Variants in CTNNA3 observed in about 807,000 individuals in gnomAD.
CTNNA3 encodes catenin alpha-3.
CTNNA3 carries 76 observed loss-of-function variants against 95.7 expected under a neutral mutation model. The observed-to-expected ratio is 0.79, with a 90% confidence interval of 0.66 to 0.96. The LOEUF (loss-of-function observed/expected upper bound fraction) is 0.96. Among genes scored for constraint, CTNNA3 ranks in the 40% least tolerant of loss-of-function variants. The probability of loss-of-function intolerance (pLI) is 0.00; values close to 1 mark genes in which losing one functional copy is unlikely to be tolerated. For synonymous variants in CTNNA3, 431 were observed against 374.4 expected (o/e 1.15, Z -1.74); for missense variants, 1,191 against 1,089.8 (o/e 1.09, Z -1.31).
At chr10:65,960,278 T>G (rs764793634) in intron 17 of CTNNA3, among the ~76,000 whole-genome samples, 3 of 151,982 alleles carry the variant, frequency 2.0e-5, no homozygotes, top group Non-Finnish European at 2.9e-5. Flanking sequence ...GGCTCACACC[T>G]GTAATCCCAG....
intron 10 of CTNNA3, among the ~76,000 whole-genome samples, chr10:66,545,880 T>A (rs1842019952): frequency 6.6e-6 from 1 of 151,630 alleles, no homozygotes; most frequent in East Asian, 1.9e-4. Context: ...TGTCTTTGTA[T>A]ATTTTGTATA....
chr10:66,550,765 A>G (rs1188890987), intron 10 of CTNNA3, among the ~76,000 whole-genome samples: 1 of 150,578 alleles, frequency 6.6e-6, no homozygotes, highest in African/African-American at 2.4e-5. Flanking sequence ...ATTTCTGTCT[A>G]CTGGCTGACT....
chr10:67,290,700 C>A (rs578233738), intron 5 of CTNNA3, among the ~76,000 whole-genome samples: 134 of 152,224 alleles, frequency 8.8e-4, no homozygotes, highest in Admixed American at 1.9e-3. Flanking sequence ...AGATGTCTGA[C>A]TCCAGAGCTT....
chr10:66,447,539 A>C (rs1053655383), intron 11 of CTNNA3, among the ~76,000 whole-genome samples: 19 of 151,836 alleles, frequency 1.3e-4, no homozygotes, highest in African/African-American at 4.6e-4. Context: ...CAACCCTCTG[A>C]TCTTTGACAA....
chr10:66,597,552 A>ATATT lies in CTNNA3; in HGVS notation c.1374+24136_1374+24139dup, dbSNP rs1554822934. On this transcript the variant is annotated intron_variant, in intron 10 of 17. Transcript: ENST00000433211. ...TATATATATATATATATATATATATATATTTATTAAAAATTTTAAAAATAA... is the reference window on the plus strand; with the variant it reads ...TATATATATATATATATATATATATATATTTATTTATTAAAAATTTTAAAAATAA... Among the ~76,000 whole-genome samples the ATATT allele has an allele frequency of 1.5e-3, 201 of 130,436 alleles. 1 individual carries two copies. Among genetic ancestry groups the ATATT allele is most frequent in the Non-Finnish European group, 2.1e-3 (128 of 62,078 alleles). The allele number at this position is 130,436 out of a possible 152,430, so 85.6% of individuals were successfully genotyped here.
At chr10:66,099,225 C>T (rs1401382555) in intron 14 of CTNNA3, among the ~76,000 whole-genome samples, 1 of 152,152 alleles carries the variant, frequency 6.6e-6, no homozygotes, top group African/African-American at 2.4e-5. Flanking sequence ...AAATTCCACA[C>T]TGAGCATGGC....
chr10:67,760,244 T>A (rs1487905809), intron 1 of CTNNA3, among the ~76,000 whole-genome samples: 1 of 152,196 alleles, frequency 6.6e-6, no homozygotes, highest in Admixed American at 6.5e-5. Flanking sequence ...CACAACACAT[T>A]CGTTATCTGA....
chr10:67,286,013 G>A (rs1289465467), intron 5 of CTNNA3, among the ~76,000 whole-genome samples: 1 of 152,082 alleles, frequency 6.6e-6, no homozygotes, highest in Non-Finnish European at 1.5e-5. Flanking sequence ...GGCTGCTTTG[G>A]GCTCTAGGCA....
chr10:66,805,572 T>A (rs1485578849), intron 7 of CTNNA3, among the ~76,000 whole-genome samples: 1 of 150,920 alleles, frequency 6.6e-6, no homozygotes, highest in East Asian at 1.9e-4. Context: ...AATGGTAATT[T>A]ATGGGGGGGA....
intron 9 of CTNNA3, among the ~76,000 whole-genome samples, chr10:66,712,590 TCC>T (rs879899401): frequency 0.022 from 3,327 of 149,402 alleles, 154 homozygotes; most frequent in East Asian, 0.21. Context: ...TCACTCTCTC[TCC>T]CTCTCTCTCT....
intron 11 of CTNNA3, among the ~76,000 whole-genome samples, chr10:66,400,543 T>C (rs995409668): frequency 2.0e-5 from 3 of 152,098 alleles, no homozygotes; most frequent in Non-Finnish European, 2.9e-5. Context: ...TATAGATATA[T>C]ACACATAATA....
intron 13 of CTNNA3, among the ~76,000 whole-genome samples, chr10:66,145,830 C>T (rs2083855503): frequency 6.6e-6 from 1 of 152,046 alleles, no homozygotes; most frequent in Non-Finnish European, 1.5e-5. Context: ...TGCTGGTTAT[C>T]AGCTGCACTC....
chr10:67,024,885 C>A (rs1309479971), intron 7 of CTNNA3, among the ~76,000 whole-genome samples: 2 of 151,960 alleles, frequency 1.3e-5, no homozygotes, highest in East Asian at 3.9e-4. Context: ...AATCCTAGCA[C>A]TTTAGGGGGC....
intron 1 of CTNNA3, among the ~76,000 whole-genome samples, chr10:67,722,961 G>T (rs1038979140): frequency 6.7e-6 from 1 of 149,768 alleles, no homozygotes; most frequent in Non-Finnish European, 1.5e-5. Flanking sequence ...GTAAAATGGA[G>T]AATAACAATT....
At chr10:67,107,891 C>T (rs1858734918) in intron 7 of CTNNA3, among the ~76,000 whole-genome samples, 1 of 152,156 alleles carries the variant, frequency 6.6e-6, no homozygotes, top group Non-Finnish European at 1.5e-5. Context: ...TTCAAGCGGC[C>T]AAGCAGGAAG....
At position 66,913,260 on chromosome 10, in the gene CTNNA3, A is replaced by G. The variant is rs866710039; in HGVS notation, c.1048-137736T>C. On this transcript the variant is annotated intron_variant, in intron 7 of 17. Transcript: ENST00000433211. ...TCTCAAAAAAAAAAAAAAAAAAAAA[A>G]AAAAAGAAAAAGAAAAAAGAAATGA... 1.4e-3 allele frequency among the ~76,000 whole-genome samples: 210 copies of G among 146,252 alleles called. 3 individuals carry two copies. Among genetic ancestry groups the G allele is most frequent in the Non-Finnish European group, 2.6e-3 (171 of 64,970 alleles).
chr10:67,096,060 A>G (rs568510001), intron 7 of CTNNA3, among the ~76,000 whole-genome samples: 4 of 151,944 alleles, frequency 2.6e-5, no homozygotes, highest in Non-Finnish European at 5.9e-5. Flanking sequence ...AATCTTAAAA[A>G]TCCACATAAA....
intron 12 of CTNNA3, among the ~76,000 whole-genome samples, chr10:66,316,568 T>C (rs1385926550): frequency 1.3e-5 from 2 of 151,988 alleles, no homozygotes; most frequent in Admixed American, 6.6e-5. Context: ...CTCACTCTGA[T>C]TGGGACAATG....
At chr10:66,703,630 C>A (rs1367052090) in intron 9 of CTNNA3, among the ~76,000 whole-genome samples, 1 of 152,142 alleles carries the variant, frequency 6.6e-6, no homozygotes, top group Non-Finnish European at 1.5e-5. Flanking sequence ...TAGTGGACTG[C>A]TGAGAAATTC....
Sources: allele counts gnomAD v4.1 joint callset (sites outside exome capture counted in the v4.1 genomes callset), GRCh38; gene constraint gnomAD v4.1.1; transcripts MANE v1.5; gene names NCBI Gene and HGNC (gene_info 2026-07-23, HGNC 2026-07-21).